The following PCDHGB5 variants were observed in gnomAD, a reference collection of about 807,000 sequenced individuals.
The protein encoded by PCDHGB5 is protocadherin gamma subfamily B, 5.
In PCDHGB5, 48 loss-of-function variants were observed where a neutral mutation model predicts 62.9. The observed-to-expected ratio is 0.76, with a 90% CI of 0.61 to 0.97. The LOEUF is 0.97. PCDHGB5 is among the 50% of genes least tolerant of loss of function. The pLI is 0.00. For missense variants in PCDHGB5, 1,118 were observed against 1,198.6 expected (o/e 0.93, Z 0.99); for synonymous variants, 474 against 511.2 (o/e 0.93, Z 0.98).
chr5:141,442,485 G>A (rs1000683527), intron 1 of PCDHGB5: 2 of 152,248 alleles, frequency 1.3e-5, no homozygotes, highest in Non-Finnish European at 2.9e-5. Flanking sequence ...TGGGGAAGGG[G>A]ATGATTGTGA....
At chr5:141,504,364 G>A (rs764741297) in intron 2 of PCDHGB5, among the ~76,000 whole-genome samples, 2 of 152,116 alleles carry the variant, frequency 1.3e-5, no homozygotes, top group African/African-American at 2.4e-5. Flanking sequence ...GCTTCAGTAG[G>A]AAGCAGGTGG....
chr5:141,413,337 G>A, intron 1 of PCDHGB5: 1 of 1,613,978 alleles, frequency 6.2e-7, no homozygotes, highest in Non-Finnish European at 8.5e-7. Flanking sequence ...ACATCTCCAA[G>A]GACTTGGGTC....
intron 2 of PCDHGB5, among the ~76,000 whole-genome samples, chr5:141,503,851 A>C (rs1484022055): frequency 6.6e-6 from 1 of 152,116 alleles, no homozygotes; most frequent in Non-Finnish European, 1.5e-5. Context: ...CCTTGGAAAA[A>C]TTGTAAAGCA....
intron 1 of PCDHGB5, among the ~76,000 whole-genome samples, chr5:141,459,812 A>G (rs1390780491): frequency 1.3e-5 from 2 of 152,232 alleles, no homozygotes; most frequent in South Asian, 2.1e-4. Context: ...GACTAGAGAC[A>G]CTGAGCAACT....
intron 1 of PCDHGB5, among the ~76,000 whole-genome samples, chr5:141,450,830 T>TTTA (rs1554136905): frequency 6.9e-5 from 7 of 101,548 alleles, no homozygotes; most frequent in East Asian, 2.6e-4. Flanking sequence ...ATTATTATTA[T>TTTA]TTTTTTTTTT....
chr5:141,425,661 C>A (rs993314865), intron 1 of PCDHGB5, among the ~76,000 whole-genome samples: 5 of 152,184 alleles, frequency 3.3e-5, no homozygotes, highest in Admixed American at 3.3e-4. Context: ...ATTATCTGCA[C>A]ATCAGATTGA....
At chr5:141,420,392 G>A (rs1480059498) in intron 1 of PCDHGB5, 2 of 1,268,940 alleles carry the variant, frequency 1.6e-6, no homozygotes, top group East Asian at 5.5e-5. Context: ...CAAAATATAG[G>A]TCAAATTTAT....
intron 1 of PCDHGB5, chr5:141,417,622 G>T (rs1036510827): frequency 1.5e-6 from 1 of 668,534 alleles, no homozygotes; most frequent in Non-Finnish European, 2.4e-6. Flanking sequence ...TGCAGAGCAA[G>T]CGCTGACGCC....
intron 1 of PCDHGB5, among the ~76,000 whole-genome samples, chr5:141,463,460 T>TTTC (rs1554144872): frequency 7.4e-6 from 1 of 136,038 alleles, no homozygotes; most frequent in South Asian, 2.5e-4. Context: ...TTTTTTTTTT[T>TTTC]TTTTTTGAGA....
intron 1 of PCDHGB5, chr5:141,420,396 A>C: frequency 8.0e-7 from 1 of 1,250,930 alleles, no homozygotes; most frequent in Non-Finnish European, 1.1e-6. Context: ...ATATAGGTCA[A>C]ATTTATGGTT....
At chr5:141,421,870 G>A in intron 1 of PCDHGB5, 1 of 1,613,758 alleles carries the variant, frequency 6.2e-7, no homozygotes, top group Non-Finnish European at 8.5e-7. Flanking sequence ...CCTCCTCACA[G>A]CTTTAGATGG....
rs1188870363 is a variant in PCDHGB5 at position 141,490,058 on chromosome 5, C to T, written c.2398-4749C>T. ...AATGCCACTGATCCAGACGAGGGCA[C>T]CAACGGCCAACTAGACTATTCTTTT... On this transcript the variant is annotated intron_variant, in intron 1 of 3. Coordinates refer to ENST00000617380, the MANE Select transcript of PCDHGB5 (RefSeq NM_018925.3). The surrounding 1 kb of genome is among the most constrained non-coding windows in gnomAD (Gnocchi z 5.4). The T allele has an allele frequency of 6.2e-7, 1 of 1,614,230 alleles. No individual in the cohort carries two copies. Among genetic ancestry groups the T allele is most frequent in the South Asian group, 1.1e-5 (1 of 91,084 alleles).
chr5:141,490,473 T>C lies in PCDHGB5; in HGVS notation c.2398-4334T>C. 6.2e-7 allele frequency: 1 copy of C among 1,614,228 alleles called. No homozygotes were observed. Among genetic ancestry groups the C allele is most frequent in the East Asian group, 2.2e-5 (1 of 44,878 alleles). On this transcript the variant is annotated intron_variant, in intron 1 of 3. Transcript: ENST00000617380. This position sits in a 1 kb window ranked among gnomAD's most constrained non-coding sequence, Gnocchi z 5.4. ...ACTACTCGCTGCTAACCAGCCAGCC[T>C]TTGGACCGGGAGGCCACATCCCACT...
intron 1 of PCDHGB5, among the ~76,000 whole-genome samples, chr5:141,429,369 G>A (rs1368624471): frequency 6.7e-6 from 1 of 148,994 alleles, no homozygotes; most frequent in Non-Finnish European, 1.5e-5. Context: ...AGAAAATGGA[G>A]AAAATGTGTT....
chr5:141,413,737 A>AC, intron 1 of PCDHGB5: 1 of 1,613,410 alleles, frequency 6.2e-7, no homozygotes, highest in Non-Finnish European at 8.5e-7. Flanking sequence ...AAGAGTTCAG[A>AC]GCCGTGCCAA....
chr5:141,397,974 C>T lies in PCDHGB5; in HGVS notation c.-154C>T. On this transcript the variant is annotated 5_prime_UTR_variant, in exon 1 of 4. Transcript: ENST00000617380. The stretch of plus-strand genomic sequence containing the variant: ...AGCCCCAGCTCAGACTCCCCAGCGC[C>T]GGCCTTTACACCGCTTCCTCCTCGG... 2 of 1,174,456 alleles carry T rather than the reference C, an allele frequency of 1.7e-6. No individual in the cohort carries two copies. The highest frequency in any genetic ancestry group is 1.2e-6 in the Non-Finnish European group (1 of 848,756). 72.8% of individuals were successfully genotyped at this position (1,174,456 alleles called of 1,614,324 possible).
At chr5:141,418,817 G>A (rs2154547923) in intron 1 of PCDHGB5, 1 of 1,613,882 alleles carries the variant, frequency 6.2e-7, no homozygotes, top group Non-Finnish European at 8.5e-7. Flanking sequence ...GATAAACATA[G>A]AAGCAAAAGA....
chr5:141,427,646 C>A, intron 1 of PCDHGB5: 1 of 715,440 alleles, frequency 1.4e-6, no homozygotes, highest in East Asian at 2.7e-5. Context: ...ACCAAGTCTC[C>A]TACGTGGTCC....
intron 1 of PCDHGB5, among the ~76,000 whole-genome samples, chr5:141,464,132 G>A (rs1432411937): frequency 6.6e-6 from 1 of 152,076 alleles, no homozygotes; most frequent in Non-Finnish European, 1.5e-5. Flanking sequence ...GGGTGTGGTG[G>A]TGGGCGCCTG....
Sources: gnomAD v4.1 joint callset for allele counts (sites outside exome capture counted in the v4.1 genomes callset) on GRCh38, gnomAD v4.1.1 for gene constraint, Gnocchi (gnomAD v3.1) non-coding constraint, MANE v1.5 for transcripts, NCBI Gene and HGNC (gene_info 2026-07-23, HGNC 2026-07-21) for gene names.